PRDM6: variants seen among roughly 807,000 people sequenced by gnomAD.
PRDM6 encodes the protein PR/SET domain 6.
Under a neutral mutation model 60.8 loss-of-function variants are expected in PRDM6, and 25 were observed. That is an observed-to-expected ratio of 0.41 (90% CI 0.30 to 0.57). The LOEUF (loss-of-function observed/expected upper bound fraction) is 0.57. Ranked by LOEUF, PRDM6 falls within the 20% of genes least tolerant of loss-of-function variation. The pLI, the probability that PRDM6 is intolerant of heterozygous loss-of-function variation, is 0.27. For missense variants in PRDM6, 839 were observed against 821.3 expected, an observed-to-expected ratio of 1.02 and a Z score of -0.26; for synonymous variants, 407 against 357.4, an observed-to-expected ratio of 1.14 and a Z score of -1.57.
chr5:123,180,930 G>C (rs1766143019), intron 7 of PRDM6, among the ~76,000 whole-genome samples: 2 of 152,190 alleles, frequency 1.3e-5, no homozygotes, highest in Non-Finnish European at 2.9e-5. Context: ...TTGACTTTTT[G>C]AGGATTCAGG....
intron 3 of PRDM6, among the ~76,000 whole-genome samples, chr5:123,151,348 G>A (rs1408547132): frequency 2.0e-5 from 3 of 152,218 alleles, no homozygotes; most frequent in East Asian, 1.9e-4. Context: ...CAGGGAACCC[G>A]TTCGGGGAGG....
At chr5:123,119,782 C>T (rs1414966054) in intron 3 of PRDM6, among the ~76,000 whole-genome samples, 1 of 152,136 alleles carries the variant, frequency 6.6e-6, no homozygotes, top group Non-Finnish European at 1.5e-5. Context: ...CATTTAAAAC[C>T]AGCAGTAATA....
At chr5:123,132,745 CT>C (rs1764860783) in intron 3 of PRDM6, among the ~76,000 whole-genome samples, 1 of 151,930 alleles carries the variant, frequency 6.6e-6, no homozygotes, top group Non-Finnish European at 1.5e-5. Context: ...AAGCACCTTC[CT>C]TTTTTATTAA....
In PRDM6 at chr5:123,194,087, A is replaced by T. The variant is rs1269565424; in HGVS notation, c.*6886A>T. The T allele has an allele frequency of 2.6e-5, 4 of 152,284 alleles. No homozygotes were observed. In the East Asian group the frequency reaches 7.7e-4, roughly 29 times the overall value. The allele number at this position is 152,284 out of a possible 1,614,324, so 9.4% of individuals were successfully genotyped here. Reference sequence around the variant, plus strand: ...AGTTTTCTAACTTTATTAAACTCACATTATTTAATGAAAAAATAACTGCAA... The same window carrying T: ...AGTTTTCTAACTTTATTAAACTCACTTTATTTAATGAAAAAATAACTGCAA... On this transcript the variant is annotated 3_prime_UTR_variant, in exon 8 of 8. Coordinates refer to ENST00000407847, the MANE Select transcript of PRDM6 (RefSeq NM_001136239.4).
rs186548805 is a variant in PRDM6 at position 123,135,141 on chromosome 5, C to G, written c.901-20743C>G. On this transcript the variant is annotated intron_variant, in intron 3 of 7. Coordinates refer to ENST00000407847, the MANE Select transcript of PRDM6 (RefSeq NM_001136239.4). ...CAATTATTAGATGGTTTACATAGGCCGGAAACTGTGGTGAGGTAAACATAT... is the reference window on the plus strand; with the variant it reads ...CAATTATTAGATGGTTTACATAGGCGGGAAACTGTGGTGAGGTAAACATAT... 5.7e-3 allele frequency among the ~76,000 whole-genome samples: 870 copies of G among 152,148 alleles called. 3 individuals carry two copies. The highest frequency in any genetic ancestry group is 0.011 in the Admixed American group (170 of 15,280).
At chr5:123,150,594 T>C (rs1433782729) in intron 3 of PRDM6, among the ~76,000 whole-genome samples, 8 of 152,220 alleles carry the variant, frequency 5.3e-5, no homozygotes, top group African/African-American at 1.9e-4. Context: ...CATATTTATC[T>C]ATGTTGGCAA....
chr5:123,119,280 T>G (rs335161), intron 3 of PRDM6, among the ~76,000 whole-genome samples: 28,612 of 151,742 alleles, frequency 0.19, 3,309 homozygotes, highest in South Asian at 0.38. Context: ...AAAAACAAGA[T>G]GAGAGATTTA....
At chr5:123,122,616 C>T (rs1025114635) in intron 3 of PRDM6, among the ~76,000 whole-genome samples, 2 of 152,006 alleles carry the variant, frequency 1.3e-5, no homozygotes, top group Non-Finnish European at 2.9e-5. Flanking sequence ...TTGTAGTTAT[C>T]GATCTTTTCA....
At chr5:123,182,002 G>T (rs999340250) in intron 7 of PRDM6, among the ~76,000 whole-genome samples, 1 of 152,196 alleles carries the variant, frequency 6.6e-6, no homozygotes, top group Non-Finnish European at 1.5e-5. Context: ...GATAATTTTT[G>T]TTGCGGTACA....
At chr5:123,178,650 A>G (rs908996676) in intron 6 of PRDM6, among the ~76,000 whole-genome samples, 2 of 152,230 alleles carry the variant, frequency 1.3e-5, no homozygotes, top group African/African-American at 2.4e-5. Context: ...ATTGTATAGT[A>G]TTGAGTTATT....
chr5:123,171,142 G>C, intron 6 of PRDM6, 34 bp downstream of exon 6: 1 of 1,479,498 alleles, frequency 6.8e-7, no homozygotes, highest in Non-Finnish European at 9.1e-7. Flanking sequence ...CAGTGTGTTT[G>C]CTTAGTGAGA....
chr5:123,135,440 C>T (rs1417227754), intron 3 of PRDM6, among the ~76,000 whole-genome samples: 1 of 152,154 alleles, frequency 6.6e-6, no homozygotes, highest in Admixed American at 6.5e-5. Context: ...AGAGTGAATG[C>T]AGACATTTCT....
chr5:123,108,763 A>G (rs1463966498), intron 3 of PRDM6, among the ~76,000 whole-genome samples: 1 of 152,136 alleles, frequency 6.6e-6, no homozygotes, highest in Non-Finnish European at 1.5e-5. Context: ...AGTGGTAACC[A>G]TTGTTGATGG....
intron 2 of PRDM6, among the ~76,000 whole-genome samples, chr5:123,098,978 T>C (rs907888632): frequency 2.6e-5 from 4 of 151,252 alleles, no homozygotes; most frequent in Non-Finnish European, 5.9e-5. Context: ...CCCCGTCCCG[T>C]GGCGTTTGGG....
At chr5:123,152,340 G>A (rs1283503049) in intron 3 of PRDM6, among the ~76,000 whole-genome samples, 2 of 152,176 alleles carry the variant, frequency 1.3e-5, no homozygotes, top group East Asian at 3.8e-4. Flanking sequence ...AGTCTAAAGG[G>A]AGCCATCTTT....
At chr5:123,162,467 G>C (rs992772160) in intron 5 of PRDM6, among the ~76,000 whole-genome samples, 1 of 152,118 alleles carries the variant, frequency 6.6e-6, no homozygotes. Flanking sequence ...TTGATGATTA[G>C]AGTATTGAAT....
chr5:123,180,914 A>G (rs375125971), intron 7 of PRDM6, among the ~76,000 whole-genome samples: 26 of 152,256 alleles, frequency 1.7e-4, no homozygotes, highest in African/African-American at 6.3e-4. Flanking sequence ...CCAAACCCAG[A>G]GTACATTGAC....
chr5:123,119,013 A>G (rs889150400), intron 3 of PRDM6, among the ~76,000 whole-genome samples: 5 of 152,182 alleles, frequency 3.3e-5, no homozygotes, highest in African/African-American at 4.8e-5. Flanking sequence ...AATGGAGGAA[A>G]CAAACAAAAA....
chr5:123,150,900 A>G (rs1765355554), intron 3 of PRDM6, among the ~76,000 whole-genome samples: 1 of 152,196 alleles, frequency 6.6e-6, no homozygotes, highest in Non-Finnish European at 1.5e-5. Context: ...TGTATTTCAT[A>G]GAGTTGAAAG....
Sources: allele counts gnomAD v4.1 joint callset (sites outside exome capture counted in the v4.1 genomes callset), GRCh38; gene constraint gnomAD v4.1.1; transcripts MANE v1.5; gene names NCBI Gene and HGNC (gene_info 2026-07-23, HGNC 2026-07-21).